KHDRBS1: variants seen among roughly 807,000 people sequenced by gnomAD.
KHDRBS1 encodes the protein KH domain-containing, RNA-binding, signal transduction-associated protein 1.
KHDRBS1 carries 7 observed loss-of-function variants against 48.4 expected under a neutral mutation model. The observed-to-expected ratio is 0.14, with a 90% confidence interval of 0.08 to 0.27. The LOEUF is 0.27. Among genes scored for constraint, KHDRBS1 ranks in the 10% least tolerant of loss-of-function variants. KHDRBS1 has a pLI of 1.00. For synonymous variants in KHDRBS1, 241 were observed against 235.8 expected, an observed-to-expected ratio of 1.02 and a Z score of -0.20; for missense variants, 458 against 601.2, an observed-to-expected ratio of 0.76 and a Z score of 2.49.
intron 2 of KHDRBS1, among the ~76,000 whole-genome samples, chr1:32,030,841 C>A (rs1288350095): frequency 7.1e-6 from 1 of 141,172 alleles, no homozygotes; most frequent in African/African-American, 2.6e-5. Context: ...TTTTTTCTTC[C>A]TTTTTTTTTT....
At chr1:32,027,662 G>A (rs1030391368) in intron 1 of KHDRBS1, among the ~76,000 whole-genome samples, 1 of 152,174 alleles carries the variant, frequency 6.6e-6, no homozygotes, top group African/African-American at 2.4e-5. Flanking sequence ...CAGGAAGTAT[G>A]TGTCTATTAG....
chr1:32,015,277 G>C (rs373678531), intron 1 of KHDRBS1, among the ~76,000 whole-genome samples: 98 of 152,270 alleles, frequency 6.4e-4, no homozygotes, highest in Middle Eastern at 3.4e-3. Context: ...ATCAGCACTG[G>C]CCAATCACCT....
At chr1:32,058,073 G>A (rs115524797) in intron 10 of KHDRBS1, among the ~76,000 whole-genome samples, 355 of 151,110 alleles carry the variant, frequency 2.3e-3, no homozygotes, top group Non-Finnish European at 4.2e-3. Context: ...AGCCGAGATC[G>A]CACCACCGTA....
At chr1:32,021,406 A>G (rs570740420) in intron 1 of KHDRBS1, among the ~76,000 whole-genome samples, 20 of 152,270 alleles carry the variant, frequency 1.3e-4, no homozygotes, top group Middle Eastern at 3.4e-3. Flanking sequence ...ATGATTCCAA[A>G]AAAAATAAAG....
intron 3 of KHDRBS1, among the ~76,000 whole-genome samples, chr1:32,031,901 G>T (rs901254056): frequency 9.2e-5 from 14 of 152,154 alleles, no homozygotes; most frequent in Non-Finnish European, 1.6e-4. Context: ...GTAGCATGTT[G>T]CGCATTGGTA....
downstream of KHDRBS1, among the ~76,000 whole-genome samples, chr1:32,047,092 C>G (rs1011285502): frequency 6.6e-6 from 1 of 152,198 alleles, no homozygotes; most frequent in South Asian, 2.1e-4. Context: ...TCTGCCTGTT[C>G]TGGACATGTA....
At chr1:32,016,007 C>G (rs893387235) in intron 1 of KHDRBS1, among the ~76,000 whole-genome samples, 2 of 151,918 alleles carry the variant, frequency 1.3e-5, no homozygotes, top group African/African-American at 2.4e-5. Context: ...GGTGAAACCC[C>G]GTCTCTACTA....
intron 7 of KHDRBS1, 83 bp downstream of exon 7, chr1:32,038,702 A>C (rs542523719): frequency 2.0e-5 from 26 of 1,332,252 alleles, no homozygotes; most frequent in Middle Eastern, 3.6e-4. Flanking sequence ...TAGACAGTAC[A>C]ACCCTAAGGA....
rs182066683 is a variant in KHDRBS1, at chr1:32,028,248, C to T, written c.383-2050C>T. 2.0e-5 allele frequency among the ~76,000 whole-genome samples: 3 copies of T among 152,204 alleles called. No homozygotes were observed. In the East Asian group the frequency reaches 5.8e-4, roughly 29 times the overall value. ...CCCTGGACCAGCAATATCAGAATTA[C>T]CTGGGAACTTGTTGGAAATGCAAAT... On this transcript the variant is annotated intron_variant, in intron 1 of 8. Transcript: ENST00000327300.
At chr1:32,023,761 AAAAG>A (rs1233637414) in intron 1 of KHDRBS1, among the ~76,000 whole-genome samples, 8 of 152,230 alleles carry the variant, frequency 5.3e-5, no homozygotes, top group African/African-American at 1.9e-4. Flanking sequence ...TGAAAAAGAA[AAAAG>A]AAAGACCAGA....
intron 1 of KHDRBS1, among the ~76,000 whole-genome samples, chr1:32,029,339 A>G (rs1236070028): frequency 6.6e-6 from 1 of 152,206 alleles, no homozygotes; most frequent in Non-Finnish European, 1.5e-5. Flanking sequence ...CATATCAGTT[A>G]TACTTCAATA....
chr1:32,031,554 C>G lies in KHDRBS1; in HGVS notation c.538C>G (p.Gln180Glu), dbSNP rs761314139. The G allele has an allele frequency of 6.2e-7, 1 of 1,609,042 alleles. No individual in the cohort carries two copies. Among genetic ancestry groups the G allele is most frequent in the Non-Finnish European group, 8.5e-7 (1 of 1,178,364 alleles). The change falls in exon 3 of 9, where the codon CAA becomes GAA. Residue 180 changes from glutamine (Q) to glutamate (E), a missense_variant. Around this residue, in one of 3 missense-constraint regions of KHDRBS1, gnomAD observed 74 missense variants for 156.9 expected, o/e 0.47. Transcript: ENST00000327300. ...FNFVGKILGP[Q>E]GNTIKRLQEE... ...TTTTGTGGGGAAGATTCTTGGACCA[C>G]AAGGGAATACAATCAAAAGACTGCA... is the stretch of plus-strand genomic sequence containing the variant.
chr1:32,031,622 A>G lies in KHDRBS1; in HGVS notation c.606A>G (p.Ser202=). The G allele has an allele frequency of 1.2e-6, 2 of 1,607,732 alleles. No homozygotes were observed. The highest frequency in any genetic ancestry group is 1.1e-5 in the South Asian group (1 of 89,946). The change falls in exon 3 of 9, where the codon TCA becomes TCG. Residue 202 remains serine (S), a synonymous_variant. Coordinates refer to ENST00000327300, the MANE Select transcript of KHDRBS1 (RefSeq NM_006559.3). ...AGATCTCTGTATTGGGAAAGGGCTCAATGAGAGACAAAGCCAAGGTAAGCT... is the reference window on the plus strand; with the variant it reads ...AGATCTCTGTATTGGGAAAGGGCTCGATGAGAGACAAAGCCAAGGTAAGCT... The part of the protein sequence containing the change: ...GAKISVLGKG[S]MRDKAKEEEL...
At chr1:32,041,596 T>TG (rs957746801) in intron 8 of KHDRBS1, among the ~76,000 whole-genome samples, 1 of 142,448 alleles carries the variant, frequency 7.0e-6, no homozygotes, top group Non-Finnish European at 1.5e-5. Context: ...TTTTTTTTTT[T>TG]TTTTTTTTTT....
intron 1 of KHDRBS1, among the ~76,000 whole-genome samples, chr1:32,027,566 C>T (rs898692202): frequency 1.3e-5 from 2 of 152,176 alleles, no homozygotes; most frequent in Non-Finnish European, 2.9e-5. Flanking sequence ...GTGAAGAGCA[C>T]TGTCATTTAC....
intron 1 of KHDRBS1, among the ~76,000 whole-genome samples, chr1:32,020,257 C>T (rs1053014252): frequency 1.3e-5 from 2 of 150,450 alleles, no homozygotes; most frequent in Non-Finnish European, 3.0e-5. Context: ...GCGGCACACA[C>T]CCATAGTCCC....
At chr1:32,019,900 T>G (rs1638823426) in intron 1 of KHDRBS1, among the ~76,000 whole-genome samples, 1 of 151,900 alleles carries the variant, frequency 6.6e-6, no homozygotes, top group Non-Finnish European at 1.5e-5. Context: ...GCCTCCCGAG[T>G]AGGTGGGATT....
intron 1 of KHDRBS1, among the ~76,000 whole-genome samples, chr1:32,028,314 C>G (rs1019791781): frequency 6.6e-6 from 1 of 151,770 alleles, no homozygotes; most frequent in South Asian, 2.1e-4. Flanking sequence ...GCCCAGCAAT[C>G]TAGTTTAATA....
At chr1:32,037,404 A>G (rs1214776853) in intron 5 of KHDRBS1, among the ~76,000 whole-genome samples, 2 of 151,514 alleles carry the variant, frequency 1.3e-5, no homozygotes, top group Non-Finnish European at 2.9e-5. Flanking sequence ...AGATCATGCC[A>G]CTGCACTTCA....
Sources: allele counts gnomAD v4.1 joint callset (sites outside exome capture counted in the v4.1 genomes callset), GRCh38; gene constraint gnomAD v4.1.1; regional missense constraint gnomAD v4.1.1; transcripts MANE v1.5; gene names NCBI Gene and HGNC (gene_info 2026-07-23, HGNC 2026-07-21).